Variants in ADAMTS2 observed in about 807,000 individuals in gnomAD.
The protein encoded by ADAMTS2 is A disintegrin and metalloproteinase with thrombospondin motifs 2.
In ADAMTS2, 50 loss-of-function variants were observed where a neutral mutation model predicts 123.0. That is an observed-to-expected ratio of 0.41 (90% CI 0.32 to 0.51). ADAMTS2 has a LOEUF of 0.51. ADAMTS2 is among the 20% of genes least tolerant of loss of function. ADAMTS2 has a pLI of 0.35. For missense variants in ADAMTS2, 1,494 were observed against 1,705.2 expected (o/e 0.88, Z 2.18); for synonymous variants, 678 against 695.4 (o/e 0.98, Z 0.39).
rs958438852 is a variant in ADAMTS2 at position 179,117,875 on chromosome 5, G to A, written c.3179-3551C>T. Among the ~76,000 whole-genome samples the A allele has an allele frequency of 5.3e-5, 8 of 152,152 alleles. No individual in the cohort carries two copies. The highest frequency in any genetic ancestry group is 1.7e-4 in the African/African-American group (7 of 41,428). ...CTGTGGCTGCTTTCCCACTATAAAG[G>A]CAGAGCTGAGTCCTGTGACAGAGAC... On this transcript the variant is annotated intron_variant, in intron 21 of 21. Coordinates refer to ENST00000251582, the MANE Select transcript of ADAMTS2 (RefSeq NM_014244.5). The surrounding 1 kb of genome is among the most constrained non-coding windows in gnomAD (Gnocchi z 4.2).
intron 3 of ADAMTS2, among the ~76,000 whole-genome samples, chr5:179,257,822 G>A (rs946242571): frequency 1.3e-5 from 2 of 152,076 alleles, no homozygotes; most frequent in Admixed American, 6.5e-5. Context: ...CCCCCATCCC[G>A]GCCACTGCCC....
Position 179,345,249 on chromosome 5 carries a change from A to AGTG in ADAMTS2, c.79_80insCAC (p.Pro26dup), listed in dbSNP as rs1561778823. 8.8e-7 allele frequency: 1 copy of AGTG among 1,139,750 alleles called. No homozygotes were observed. The highest frequency in any genetic ancestry group is 1.1e-6 in the Non-Finnish European group (1 of 935,524). 70.6% of individuals were successfully genotyped at this position (1,139,750 alleles called of 1,614,324 possible). The stretch of plus-strand genomic sequence containing the variant: ...CGCGGGCGGCGGCGGCGGCGGCAGG[A>AGTG]GCGGCGGCGGCAGCAGCAGCAGCAG... On this transcript the variant is annotated inframe_insertion, in exon 1 of 22. Coordinates refer to ENST00000251582, the MANE Select transcript of ADAMTS2 (RefSeq NM_014244.5). This position sits in a 1 kb window ranked among gnomAD's most constrained non-coding sequence, Gnocchi z 7.5.
chr5:179,333,096 G>C (rs898900407), intron 2 of ADAMTS2, among the ~76,000 whole-genome samples: 1 of 152,168 alleles, frequency 6.6e-6, no homozygotes, highest in South Asian at 2.1e-4. Flanking sequence ...TGAGAGACCC[G>C]AGAGCAGAGG....
At chr5:179,131,331 A>AG (rs1762958131) in intron 15 of ADAMTS2, among the ~76,000 whole-genome samples, 2 of 148,808 alleles carry the variant, frequency 1.3e-5, no homozygotes, top group Admixed American at 6.7e-5. Flanking sequence ...AAAAAAAAAA[A>AG]GTAAGAAAGA....
chr5:179,214,268 C>A (rs1228579019), intron 3 of ADAMTS2, among the ~76,000 whole-genome samples: 1 of 118,096 alleles, frequency 8.5e-6, no homozygotes, highest in Non-Finnish European at 1.9e-5. Context: ...CATTAGGACA[C>A]AACTCAAAAG....
intron 6 of ADAMTS2, among the ~76,000 whole-genome samples, chr5:179,156,411 G>A (rs1417952991): frequency 1.3e-5 from 2 of 149,018 alleles, no homozygotes; most frequent in African/African-American, 2.5e-5. Flanking sequence ...CCAGGCTGGA[G>A]TGCAGTGGTG....
At chr5:179,257,969 G>A (rs935359700) in intron 3 of ADAMTS2, among the ~76,000 whole-genome samples, 2 of 152,122 alleles carry the variant, frequency 1.3e-5, no homozygotes, top group South Asian at 2.1e-4. Flanking sequence ...GGCCGACCCC[G>A]TGTCTACCTG....
chr5:179,250,671 G>A (rs991275288), intron 3 of ADAMTS2, among the ~76,000 whole-genome samples: 2 of 152,244 alleles, frequency 1.3e-5, no homozygotes, highest in South Asian at 4.1e-4. Context: ...CTGCTTTCTG[G>A]CTGTCCAGTG....
chr5:179,203,855 T>C (rs1039308923), intron 4 of ADAMTS2, among the ~76,000 whole-genome samples: 12 of 151,126 alleles, frequency 7.9e-5, no homozygotes, highest in Non-Finnish European at 4.4e-5. Context: ...ATTCTACTTA[T>C]GGGCATATAG....
chr5:179,302,129 G>A (rs532169933), intron 2 of ADAMTS2, among the ~76,000 whole-genome samples: 60 of 152,196 alleles, frequency 3.9e-4, no homozygotes, highest in African/African-American at 1.3e-3. Flanking sequence ...AGCAGAAGCC[G>A]GGACTTCTGC....
intron 10 of ADAMTS2, among the ~76,000 whole-genome samples, chr5:179,149,274 G>A (rs1763308154): frequency 6.6e-6 from 1 of 152,218 alleles, no homozygotes; most frequent in Admixed American, 6.5e-5. Flanking sequence ...CCTGCCATGT[G>A]AGGAGACCAC....
chr5:179,254,638 C>T (rs535145885), intron 3 of ADAMTS2, among the ~76,000 whole-genome samples: 2 of 152,296 alleles, frequency 1.3e-5, no homozygotes, highest in South Asian at 2.1e-4. Flanking sequence ...CAAGAATATT[C>T]TCTAAGCTAC....
At chr5:179,283,402 C>T (rs1561684225) in intron 2 of ADAMTS2, among the ~76,000 whole-genome samples, 1 of 151,604 alleles carries the variant, frequency 6.6e-6, no homozygotes, top group East Asian at 1.9e-4. Flanking sequence ...TTAGCATCAA[C>T]AGTTACTGGT....
intron 3 of ADAMTS2, among the ~76,000 whole-genome samples, chr5:179,266,645 G>A (rs928639328): frequency 2.2e-4 from 33 of 152,328 alleles, no homozygotes; most frequent in African/African-American, 7.7e-4. Context: ...GGGTAACCTG[G>A]TACAGCAGCC....
At chr5:179,315,640 G>A (rs1012033158) in intron 2 of ADAMTS2, among the ~76,000 whole-genome samples, 3 of 152,230 alleles carry the variant, frequency 2.0e-5, no homozygotes, top group East Asian at 1.9e-4. Context: ...ACCCAGGACC[G>A]CCCATGGCAC....
chr5:179,166,588 G>T (rs1253156188), intron 5 of ADAMTS2, among the ~76,000 whole-genome samples: 1 of 148,056 alleles, frequency 6.8e-6, no homozygotes, highest in Non-Finnish European at 1.5e-5. Context: ...GGGCCCGTGG[G>T]CCTTGGGTGG....
At chr5:179,149,815 G>A (rs1410289469) in intron 10 of ADAMTS2, among the ~76,000 whole-genome samples, 1 of 152,170 alleles carries the variant, frequency 6.6e-6, no homozygotes, top group Non-Finnish European at 1.5e-5. Flanking sequence ...GTCGGTTCCA[G>A]CCTGTGCTCC....
At chr5:179,298,260 C>T (rs540595277) in intron 2 of ADAMTS2, among the ~76,000 whole-genome samples, 2 of 152,254 alleles carry the variant, frequency 1.3e-5, no homozygotes, top group East Asian at 1.9e-4. Flanking sequence ...GCAGGCCTGG[C>T]CCTGCCAAGC....
At chr5:179,295,431 C>A (rs405302) in intron 2 of ADAMTS2, among the ~76,000 whole-genome samples, 1,871 of 152,312 alleles carry the variant, frequency 0.012, 21 homozygotes, top group Non-Finnish European at 0.018. Context: ...CCTGCAAGCT[C>A]CCTCGTCCTG....
Sources: gnomAD v4.1 joint callset for allele counts (sites outside exome capture counted in the v4.1 genomes callset) on GRCh38, gnomAD v4.1.1 for gene constraint, Gnocchi (gnomAD v3.1) non-coding constraint, MANE v1.5 for transcripts, NCBI Gene and HGNC (gene_info 2026-07-23, HGNC 2026-07-21) for gene names.